The following CPN1 variants were observed in gnomAD, a reference collection of about 807,000 sequenced individuals.
CPN1 encodes the protein carboxypeptidase N catalytic chain.
A neutral mutation model predicts 46.4 loss-of-function variants in CPN1; 37 were observed. That is an observed-to-expected ratio of 0.80 (90% CI 0.61 to 1.05). The LOEUF (loss-of-function observed/expected upper bound fraction) is 1.05. Among genes scored for constraint, CPN1 ranks in the 50% least tolerant of loss-of-function variants. The pLI is 0.00. For synonymous variants in CPN1, 224 were observed against 235.4 expected, an observed-to-expected ratio of 0.95 and a Z score of 0.44; for missense variants, 563 against 602.6, an observed-to-expected ratio of 0.93 and a Z score of 0.69.
At chr10:100,060,288 AT>A in intron 5 of CPN1, among the ~76,000 whole-genome samples, 1 of 152,310 alleles carries the variant, frequency 6.6e-6, no homozygotes, top group Middle Eastern at 3.4e-3. Flanking sequence ...GAAGCTGGGC[AT>A]GGTGGCTCAT....
chr10:100,075,333 G>C (rs2041507925), intron 2 of CPN1, among the ~76,000 whole-genome samples: 1 of 152,142 alleles, frequency 6.6e-6, no homozygotes, highest in African/African-American at 2.4e-5. Flanking sequence ...CGGTCCCACT[G>C]CAAATATAAC....
intron 2 of CPN1, among the ~76,000 whole-genome samples, chr10:100,075,538 T>C (rs1237512421): frequency 6.6e-6 from 1 of 152,232 alleles, no homozygotes. Flanking sequence ...TAGGGTTTGA[T>C]GCTGAAAGTC....
At chr10:100,067,259 G>A (rs556331080) in intron 3 of CPN1, among the ~76,000 whole-genome samples, 8 of 152,158 alleles carry the variant, frequency 5.3e-5, no homozygotes, top group African/African-American at 1.9e-4. Flanking sequence ...TGGGATTATA[G>A]GCGCCCACCA....
intron 2 of CPN1, among the ~76,000 whole-genome samples, chr10:100,072,988 T>C (rs1466586746): frequency 6.6e-6 from 1 of 152,192 alleles, no homozygotes; most frequent in East Asian, 1.9e-4. Context: ...AATGAATGGA[T>C]GCCGGGAAGC....
At chr10:100,043,582 TA>T (rs1298805232) in intron 8 of CPN1, among the ~76,000 whole-genome samples, 1 of 152,150 alleles carries the variant, frequency 6.6e-6, no homozygotes, top group Non-Finnish European at 1.5e-5. Flanking sequence ...GCTTCAGAAC[TA>T]AACCTTCTGC....
At position 100,042,592 on chromosome 10, in the gene CPN1, G is replaced by A. The variant is rs200380570; in HGVS notation, c.1231-19C>T. ...AGTTAACCTGGAAGAAAAAAAGCAG[G>A]AGCTACGAGATCCGTTTGGACCATC... On this transcript the variant is annotated intron_variant, in intron 8 of 8. Coordinates refer to ENST00000370418, the MANE Select transcript of CPN1 (RefSeq NM_001308.3). 588 of 1,613,714 alleles carry A rather than the reference G, an allele frequency of 3.6e-4. No homozygotes were observed. The highest frequency in any genetic ancestry group is 4.6e-4 in the Non-Finnish European group (543 of 1,179,948).
Position 100,081,377 on chromosome 10 carries a change from A to T in CPN1, c.223+26T>A, listed in dbSNP as rs368462704. 47 of 1,599,692 alleles carry T rather than the reference A, an allele frequency of 2.9e-5. No homozygotes were observed. In the African/African-American group the frequency reaches 6.2e-4, roughly 21 times the overall value. On this transcript the variant is annotated intron_variant, in intron 1 of 8. Coordinates refer to ENST00000370418, the MANE Select transcript of CPN1 (RefSeq NM_001308.3). ...GCAAGGGAAAGGCCCTGCCCCACAC[A>T]CCCTCAAGAGCTGTTCAGAACTTAC...
At chr10:100,063,526 C>A in intron 5 of CPN1, 88 bp downstream of exon 5, 1 of 1,018,980 alleles carries the variant, frequency 9.8e-7, no homozygotes. Context: ...ATGCTATTCC[C>A]ATTGTTTCCC....
rs56876123 is a variant in CPN1, at chr10:100,055,003, C to T, written c.1012-557G>A. On this transcript the variant is annotated intron_variant, in intron 6 of 8. Transcript: ENST00000370418. ...CTGTAATTCCAGCACTTTGGGAGGC[C>T]GAGGTGGGCGGATCACCTGAGGTCA... 8.6e-5 allele frequency among the ~76,000 whole-genome samples: 13 copies of T among 151,872 alleles called. No homozygotes were observed. In the South Asian group the frequency reaches 1.9e-3, roughly 22 times the overall value.
chr10:100,069,778 T>TATAGGTATTG lies in CPN1; in HGVS notation c.511_512insCAATACCTAT (p.Tyr171SerfsTer6). On this transcript the variant is annotated frameshift_variant, in exon 3 of 9. Transcript: ENST00000370418. LOFTEE classifies it high-confidence loss of function. Reference sequence around the variant, plus strand: ...GGGGCCTCCGTACTTCTCGTTATAGTAGATATAGGTATTGAGATCAGGGAA... The same window carrying TATAGGTATTG: ...GGGGCCTCCGTACTTCTCGTTATAGTATAGGTATTGAGATATAGGTATTGAGATCAGGGAA... 1 of 1,613,866 alleles carries TATAGGTATTG rather than the reference T, an allele frequency of 6.2e-7. No homozygotes were observed. Among genetic ancestry groups the TATAGGTATTG allele is most frequent in the Non-Finnish European group, 8.5e-7 (1 of 1,179,974 alleles).
intron 3 of CPN1, among the ~76,000 whole-genome samples, chr10:100,069,141 T>C (rs1360214133): frequency 6.6e-6 from 1 of 152,188 alleles, no homozygotes. Context: ...TTAAGAACCA[T>C]GCAACCAAAT....
At chr10:100,044,890 G>C (rs1226246049) in intron 8 of CPN1, among the ~76,000 whole-genome samples, 1 of 151,186 alleles carries the variant, frequency 6.6e-6, no homozygotes, top group Non-Finnish European at 1.5e-5. Context: ...TTTGTATTTT[G>C]AGTAGAGACA....
At chr10:100,066,824 G>A (rs548923725) in intron 3 of CPN1, among the ~76,000 whole-genome samples, 2 of 152,276 alleles carry the variant, frequency 1.3e-5, no homozygotes, top group South Asian at 2.1e-4. Context: ...ATATAATTGC[G>A]AGGGCACCAG....
rs2041279292 is a variant in CPN1 at position 100,042,342 on chromosome 10, C to T, written c.*85G>A. ...GAATATGTTTGTATTTAAATATGTCCCAGATAATAAAATAGAAAGAATGCT... is the reference window on the plus strand; with the variant it reads ...GAATATGTTTGTATTTAAATATGTCTCAGATAATAAAATAGAAAGAATGCT... On this transcript the variant is annotated 3_prime_UTR_variant, in exon 9 of 9. Coordinates refer to ENST00000370418, the MANE Select transcript of CPN1 (RefSeq NM_001308.3). 2.6e-6 allele frequency: 4 copies of T among 1,532,894 alleles called. No homozygotes were observed. The highest frequency in any genetic ancestry group is 1.4e-5 in the African/African-American group (1 of 73,348). 95.0% of individuals were successfully genotyped at this position (1,532,894 alleles called of 1,614,324 possible). A position where few individuals can be genotyped will look rare whatever the true frequency, so the allele number is the denominator to read the frequency against.
At chr10:100,066,408 A>G (rs764783286) in intron 3 of CPN1, among the ~76,000 whole-genome samples, 2 of 152,176 alleles carry the variant, frequency 1.3e-5, no homozygotes, top group Non-Finnish European at 2.9e-5. Flanking sequence ...CAATAAATCA[A>G]TCTTAAAAAT....
At chr10:100,077,932 C>A (rs574839090) in intron 1 of CPN1, among the ~76,000 whole-genome samples, 1 of 152,178 alleles carries the variant, frequency 6.6e-6, no homozygotes, top group Non-Finnish European at 1.5e-5. Context: ...TTTTTAACTT[C>A]TTTATGAAAT....
At chr10:100,047,032 C>T (rs1324933333) in intron 8 of CPN1, among the ~76,000 whole-genome samples, 1 of 151,770 alleles carries the variant, frequency 6.6e-6, no homozygotes, top group African/African-American at 2.4e-5. Flanking sequence ...CGAGATTGAG[C>T]CACTGCACTC....
In CPN1 at chr10:100,076,111, C is replaced by T. The variant is rs367619099; in HGVS notation, c.224-4G>A. 25 of 1,614,060 alleles carry T rather than the reference C, an allele frequency of 1.5e-5. No individual in the cohort carries two copies. The African/African-American group carries it at 3.1e-4, about 20-fold the overall frequency. On this transcript the variant is annotated splice_polypyrimidine_tract_variant and splice_region_variant and intron_variant, in intron 1 of 8. Coordinates refer to ENST00000370418, the MANE Select transcript of CPN1 (RefSeq NM_001308.3). ...ACATACTTGACCTCTGGTTCCACTG[C>T]AAGGAAGAGAAAAGATGGGGGAAGC...
At chr10:100,069,929 C>CTT (rs1011301523) in intron 2 of CPN1, 60 bp from the exon 3 acceptor site, 10 of 1,401,416 alleles carry the variant, frequency 7.1e-6, no homozygotes, top group African/African-American at 1.5e-5. Context: ...TATTTTCTAA[C>CTT]TTTTTTTTTT....
Sources: allele counts gnomAD v4.1 joint callset (sites outside exome capture counted in the v4.1 genomes callset), GRCh38; gene constraint gnomAD v4.1.1; transcripts MANE v1.5; gene names NCBI Gene and HGNC (gene_info 2026-07-23, HGNC 2026-07-21).